Variants in SIPA1L2 observed in about 807,000 individuals in gnomAD.
SIPA1L2 encodes the protein signal-induced proliferation-associated 1-like protein 2.
Under a neutral mutation model 163.9 loss-of-function variants are expected in SIPA1L2, and 56 were observed. The observed-to-expected ratio is 0.34, with a 90% CI of 0.28 to 0.43. SIPA1L2 has a LOEUF of 0.43. Ranked by LOEUF, SIPA1L2 falls within the 20% of genes least tolerant of loss-of-function variation. The pLI is 1.00. For synonymous variants in SIPA1L2, 877 were observed against 865.7 expected (o/e 1.01, Z -0.23); for missense variants, 1,974 against 2,193.5 (o/e 0.90, Z 2.00).
intron 19 of SIPA1L2, among the ~76,000 whole-genome samples, chr1:232,414,129 C>T (rs1236370052): frequency 6.7e-6 from 1 of 149,436 alleles, no homozygotes; most frequent in African/African-American, 2.5e-5. Context: ...CAGGGCTCTT[C>T]TGAAATTTCT....
At chr1:232,486,471 G>A (rs1665654890) in intron 5 of SIPA1L2, among the ~76,000 whole-genome samples, 1 of 152,172 alleles carries the variant, frequency 6.6e-6, no homozygotes, top group Admixed American at 6.5e-5. Context: ...GGAATCAGTG[G>A]ATGTGACTAA....
intron 18 of SIPA1L2, among the ~76,000 whole-genome samples, 189 bp downstream of exon 18, chr1:232,425,400 C>T (rs913908857): frequency 1.3e-5 from 2 of 152,078 alleles, no homozygotes; most frequent in African/African-American, 4.8e-5. Flanking sequence ...GTAGTGTTAC[C>T]TAACTTTTTC....
rs745761564 is a variant in SIPA1L2, at chr1:232,445,739, T to C, written c.3143A>G (p.Asp1048Gly). Residue 1048 changes from aspartate to glycine, a missense_variant, in exon 11 of 23, where the codon GAC becomes GGC. Asp to Gly is a moderately conservative substitution (Grantham distance 94). Around this residue, in one of 3 missense-constraint regions of SIPA1L2, gnomAD observed 1,079 missense variants for 1,150.7 expected, o/e 0.94. Coordinates refer to ENST00000674635, the MANE Select transcript of SIPA1L2 (RefSeq NM_020808.5). ...ATACTCGCAGGGGGTGCCCTCGCTG[T>C]CGAGTTTATATTCCACCATAGGGAT... ...CRIPMVEYKL[D>G]SEGTPCEYKT... 2.5e-6 allele frequency: 4 copies of C among 1,613,658 alleles called. No homozygotes were observed. Among genetic ancestry groups the C allele is most frequent in the Non-Finnish European group, 3.4e-6 (4 of 1,179,938 alleles).
chr1:232,510,392 G>A (rs1024502205), intron 3 of SIPA1L2, among the ~76,000 whole-genome samples: 4 of 152,182 alleles, frequency 2.6e-5, no homozygotes, highest in East Asian at 1.9e-4. Context: ...TTTCTGACTC[G>A]TTTATAAATC....
At chr1:232,547,211 C>G (rs1573062235) in intron 2 of SIPA1L2, among the ~76,000 whole-genome samples, 2 of 152,246 alleles carry the variant, frequency 1.3e-5, no homozygotes, top group East Asian at 3.9e-4. Context: ...ATACATAAAA[C>G]TAACTCTTGC....
At chr1:232,467,167 G>A (rs978879510) in intron 8 of SIPA1L2, among the ~76,000 whole-genome samples, 2 of 152,186 alleles carry the variant, frequency 1.3e-5, no homozygotes, top group African/African-American at 4.8e-5. Flanking sequence ...ATCACCTGTA[G>A]CGGCAAGACA....
intron 1 of SIPA1L2, among the ~76,000 whole-genome samples, chr1:232,611,289 T>C (rs1292847766): frequency 6.6e-6 from 1 of 152,124 alleles, no homozygotes; most frequent in Admixed American, 6.5e-5. Context: ...ATTAATACAG[T>C]AAATTGGTAC....
rs1451267623 is a variant in SIPA1L2 at position 232,425,016 on chromosome 1, G to A, written c.4630+573C>T. The stretch of plus-strand genomic sequence containing the variant: ...TTTGAAGGAAAATCATCTAGAAATC[G>A]TCAGGTTGACCTGTGACTAGTAAGT... On this transcript the variant is annotated intron_variant, in intron 18 of 22. Transcript: ENST00000674635. 2.0e-5 allele frequency among the ~76,000 whole-genome samples: 3 copies of A among 152,192 alleles called. No homozygotes were observed. In the South Asian group the frequency reaches 6.2e-4, roughly 32 times the overall value.
rs1350870371 is a variant in SIPA1L2, at chr1:232,484,012, A to G, written c.1807-46T>C. 4 of 1,545,040 alleles carry G rather than the reference A, an allele frequency of 2.6e-6. No individual in the cohort carries two copies. The East Asian group carries it at 9.0e-5, about 35-fold the overall frequency. On this transcript the variant is annotated intron_variant, in intron 5 of 22. Coordinates refer to ENST00000674635, the MANE Select transcript of SIPA1L2 (RefSeq NM_020808.5). ...AATTACTTGGCAAAGCATATCAGAC[A>G]AGCTAACTTCCAGTAAAATTAAAAC... is the stretch of plus-strand genomic sequence containing the variant.
chr1:232,439,269 G>A lies in SIPA1L2; in HGVS notation c.3870C>T (p.Ile1290=). The change falls in exon 15 of 23, where the codon ATC becomes ATT. Residue 1290 remains isoleucine (I), a synonymous_variant. Coordinates refer to ENST00000674635, the MANE Select transcript of SIPA1L2 (RefSeq NM_020808.5). ...CAGCCCACTGCTCGGCCCGGCTGTG[G>A]ATCAGGGACCTGCTGCCTGCCAGGT... is the stretch of plus-strand genomic sequence containing the variant. ...PVHLAGSRSL[I]HSRAEQWADA... The A allele has an allele frequency of 1.2e-6, 2 of 1,614,108 alleles. No individual in the cohort carries two copies. Among genetic ancestry groups the A allele is most frequent in the Non-Finnish European group, 1.7e-6 (2 of 1,180,042 alleles).
At chr1:232,601,988 G>A (rs896687609) in intron 1 of SIPA1L2, among the ~76,000 whole-genome samples, 3 of 152,144 alleles carry the variant, frequency 2.0e-5, no homozygotes, top group African/African-American at 7.2e-5. Flanking sequence ...AATTATTTCA[G>A]AGGGTGCAAA....
chr1:232,514,501 C>G lies in SIPA1L2; in HGVS notation c.839G>C (p.Arg280Pro). Residue 280 changes from arginine to proline, a missense_variant, in exon 3 of 23, where the codon CGG (arginine) becomes CCG (proline). By Grantham distance (103) the Arg-to-Pro change is moderately radical (BLOSUM62 -2). Around this residue, in one of 3 missense-constraint regions of SIPA1L2, gnomAD observed 607 missense variants for 624.0 expected, o/e 0.97. Transcript: ENST00000674635. ...MGRDRDKPFK[R>P]RLKSESVETS... ...TTCCACCGACTCTGATTTCAACCTCCGTTTGAAAGGCTTGTCCCTGTCTCT... is the reference window on the plus strand; with the variant it reads ...TTCCACCGACTCTGATTTCAACCTCGGTTTGAAAGGCTTGTCCCTGTCTCT... 2 of 1,614,194 alleles carry G rather than the reference C, an allele frequency of 1.2e-6. No homozygotes were observed. The highest frequency in any genetic ancestry group is 3.3e-5 in the Admixed American group (2 of 60,028).
chr1:232,408,569 A>G (rs1660775438), intron 19 of SIPA1L2, among the ~76,000 whole-genome samples: 1 of 151,972 alleles, frequency 6.6e-6, no homozygotes, highest in African/African-American at 2.4e-5. Flanking sequence ...TTATTGTATC[A>G]TTTTTCATAT....
intron 19 of SIPA1L2, among the ~76,000 whole-genome samples, chr1:232,404,910 A>G (rs1236126140): frequency 6.6e-6 from 1 of 152,164 alleles, no homozygotes; most frequent in Non-Finnish European, 1.5e-5. Flanking sequence ...TCTGAGGTAT[A>G]CAGCAGGCGT....
At chr1:232,440,402 T>A (rs901258666) in intron 14 of SIPA1L2, among the ~76,000 whole-genome samples, 1 of 152,226 alleles carries the variant, frequency 6.6e-6, no homozygotes, top group Non-Finnish European at 1.5e-5. Context: ...GCAAATCACC[T>A]TGACCTTTTC....
intron 8 of SIPA1L2, among the ~76,000 whole-genome samples, chr1:232,469,023 G>A (rs910625504): frequency 2.6e-5 from 4 of 152,178 alleles, no homozygotes; most frequent in Non-Finnish European, 4.4e-5. Context: ...CATGGGGGAG[G>A]CCTGACTCCC....
At chr1:232,531,881 G>A (rs1256078092) in intron 2 of SIPA1L2, among the ~76,000 whole-genome samples, 1 of 152,072 alleles carries the variant, frequency 6.6e-6, no homozygotes, top group Non-Finnish European at 1.5e-5. Context: ...AGAGGGAGGA[G>A]GGGAAGGAGC....
intron 1 of SIPA1L2, among the ~76,000 whole-genome samples, chr1:232,612,998 C>A (rs951112343): frequency 6.6e-6 from 1 of 152,140 alleles, no homozygotes; most frequent in Non-Finnish European, 1.5e-5. Flanking sequence ...ATACTGTTCT[C>A]GTGGTACTGA....
At chr1:232,549,391 A>G (rs1658245513) in intron 2 of SIPA1L2, among the ~76,000 whole-genome samples, 1 of 152,232 alleles carries the variant, frequency 6.6e-6, no homozygotes, top group African/African-American at 2.4e-5. Flanking sequence ...AATTAATCCC[A>G]AAGAGGAGAT....
Sources: allele counts gnomAD v4.1 joint callset (sites outside exome capture counted in the v4.1 genomes callset), GRCh38; gene constraint gnomAD v4.1.1; regional missense constraint gnomAD v4.1.1; transcripts MANE v1.5; gene names NCBI Gene and HGNC (gene_info 2026-07-23, HGNC 2026-07-21).